GALNT10: variants seen among roughly 807,000 people sequenced by gnomAD.
GALNT10 encodes polypeptide N-acetylgalactosaminyltransferase 10, also known as GalNAc transferase 10.
A neutral mutation model predicts 75.0 loss-of-function variants in GALNT10; 41 were observed. The ratio of observed to expected loss-of-function variants is 0.55; its 90% confidence interval spans 0.43 to 0.71. The LOEUF (loss-of-function observed/expected upper bound fraction) is 0.71. Among genes scored for constraint, GALNT10 ranks in the 30% least tolerant of loss-of-function variants. GALNT10 has a pLI of 0.00. For missense variants in GALNT10, 727 were observed against 818.5 expected (o/e 0.89, Z 1.36); for synonymous variants, 302 against 313.0 (o/e 0.96, Z 0.37).
intron 1 of GALNT10, among the ~76,000 whole-genome samples, chr5:154,290,129 T>C (rs2113067778): frequency 6.6e-6 from 1 of 150,850 alleles, no homozygotes; most frequent in South Asian, 2.1e-4. Flanking sequence ...TCTCACTCTG[T>C]TGCCCAGGCT....
chr5:154,336,356 T>A (rs1277821926), intron 4 of GALNT10, among the ~76,000 whole-genome samples: 1 of 152,148 alleles, frequency 6.6e-6, no homozygotes. Context: ...TGCCAAGGAG[T>A]GTGATTGCTG....
intron 1 of GALNT10, among the ~76,000 whole-genome samples, chr5:154,216,940 ATCC>A (rs926580484): frequency 1.4e-4 from 22 of 151,898 alleles, no homozygotes; most frequent in Admixed American, 1.3e-3. Flanking sequence ...CTCCTCTCCT[ATCC>A]TCCAGTGTGA....
chr5:154,409,859 G>A lies in GALNT10; in HGVS notation c.1386+97G>A. On this transcript the variant is annotated intron_variant, in intron 9 of 11. Transcript: ENST00000297107. The surrounding 1 kb of genome is among the most constrained non-coding windows in gnomAD (Gnocchi z 4.5). The stretch of plus-strand genomic sequence containing the variant: ...AAAAGGTAGAAAGTCAGTGCAGGGA[G>A]GAAAGGCGTGAATATAAAATCGTTT... The A allele has an allele frequency of 1.2e-6, 1 of 801,830 alleles. No individual in the cohort carries two copies. The highest frequency in any genetic ancestry group is 2.1e-6 in the Non-Finnish European group (1 of 466,746). The allele number at this position is 801,830 out of a possible 1,614,324, so 49.7% of individuals were successfully genotyped here. A position where few individuals can be genotyped will look rare whatever the true frequency, so the allele number is the denominator to read the frequency against.
At chr5:154,265,891 G>C (rs751256259) in intron 1 of GALNT10, among the ~76,000 whole-genome samples, 1 of 129,342 alleles carries the variant, frequency 7.7e-6, no homozygotes, top group Non-Finnish European at 1.6e-5. Context: ...ATTGAGACAT[G>C]TTTCAATCTC....
At chr5:154,335,538 C>T (rs1754932135) in intron 4 of GALNT10, among the ~76,000 whole-genome samples, 1 of 152,074 alleles carries the variant, frequency 6.6e-6, no homozygotes, top group Admixed American at 6.5e-5. Flanking sequence ...GGCTGGGAGT[C>T]GAGGAGAAAA....
At chr5:154,205,136 T>C (rs115430221) in intron 1 of GALNT10, among the ~76,000 whole-genome samples, 1 of 152,328 alleles carries the variant, frequency 6.6e-6, no homozygotes, top group Non-Finnish European at 1.5e-5. Flanking sequence ...TGTGTTCTCA[T>C]AGTGGGGGAA....
chr5:154,240,577 T>C (rs564002618), intron 1 of GALNT10, among the ~76,000 whole-genome samples: 18 of 152,332 alleles, frequency 1.2e-4, no homozygotes, highest in Non-Finnish European at 1.9e-4. Flanking sequence ...GGGTGAACTT[T>C]CCTAGCAGAC....
chr5:154,274,957 C>T (rs553900982), intron 1 of GALNT10, among the ~76,000 whole-genome samples: 34 of 152,210 alleles, frequency 2.2e-4, no homozygotes, highest in Non-Finnish European at 1.5e-4. Context: ...ACTCCCCCTT[C>T]ACAACATACA....
intron 3 of GALNT10, among the ~76,000 whole-genome samples, chr5:154,306,383 A>G (rs1754433112): frequency 6.6e-6 from 1 of 152,240 alleles, no homozygotes; most frequent in Non-Finnish European, 1.5e-5. Context: ...ATCCTTTTAA[A>G]CTTTCCAAAC....
rs1168810155 is a variant in GALNT10 at position 154,209,821 on chromosome 5, T to A, written c.159+18796T>A. Among the ~76,000 whole-genome samples, 5 of 152,296 alleles carry A rather than the reference T, an allele frequency of 3.3e-5. No homozygotes were observed. The East Asian group carries it at 9.7e-4, about 29-fold the overall frequency. ...AACACTGGCAGAAGAGTCTTTCTGATTTAGGAATGTTAGTAAAGTGCATGT... is the reference window on the plus strand; with the variant it reads ...AACACTGGCAGAAGAGTCTTTCTGAATTAGGAATGTTAGTAAAGTGCATGT... On this transcript the variant is annotated intron_variant, in intron 1 of 11. Coordinates refer to ENST00000297107, the MANE Select transcript of GALNT10 (RefSeq NM_198321.4).
intron 4 of GALNT10, among the ~76,000 whole-genome samples, chr5:154,374,774 TGAG>T (rs1376050787): frequency 2.0e-5 from 3 of 151,044 alleles, no homozygotes; most frequent in Non-Finnish European, 4.4e-5. Flanking sequence ...TCACCTCAAA[TGAG>T]GAGCCTTGGT....
intron 3 of GALNT10, among the ~76,000 whole-genome samples, chr5:154,302,123 G>A (rs542713001): frequency 1.3e-5 from 2 of 152,368 alleles, no homozygotes; most frequent in East Asian, 1.9e-4. Context: ...GAGCAGTCGA[G>A]CCGCTCACTC....
At chr5:154,231,842 C>T (rs975933341) in intron 1 of GALNT10, among the ~76,000 whole-genome samples, 2 of 152,228 alleles carry the variant, frequency 1.3e-5, no homozygotes, top group Admixed American at 6.5e-5. Flanking sequence ...TTGATACTTA[C>T]GTACTTGTCT....
At chr5:154,215,497 C>CA (rs1752852317) in intron 1 of GALNT10, among the ~76,000 whole-genome samples, 1 of 152,040 alleles carries the variant, frequency 6.6e-6, no homozygotes, top group Non-Finnish European at 1.5e-5. Flanking sequence ...AAACAAAAAA[C>CA]AAAACAAAAC....
intron 1 of GALNT10, among the ~76,000 whole-genome samples, chr5:154,277,191 C>T (rs1753964927): frequency 1.3e-5 from 2 of 151,848 alleles, no homozygotes; most frequent in African/African-American, 4.8e-5. Context: ...TGGCTGGGGT[C>T]TCTCATATCC....
chr5:154,395,859 A>G (rs115207595), intron 7 of GALNT10, among the ~76,000 whole-genome samples: 2,498 of 152,270 alleles, frequency 0.016, 56 homozygotes, highest in African/African-American at 0.058. Flanking sequence ...ACTTATTAGA[A>G]ATGCAAATTA....
At position 154,286,721 on chromosome 5, in the gene GALNT10, G is replaced by A. The variant is rs535908867; in HGVS notation, c.160-8095G>A. 4.7e-4 allele frequency among the ~76,000 whole-genome samples: 71 copies of A among 152,256 alleles called. 2 individuals are homozygous for A. The highest frequency in any genetic ancestry group is 4.4e-3 in the South Asian group (21 of 4,822). The stretch of plus-strand genomic sequence containing the variant: ...TGAGTGACCTTCCCCTCTTAGAGAA[G>A]GGCCAGATTTCAGATTTCAGCATCC... On this transcript the variant is annotated intron_variant, in intron 1 of 11. Transcript: ENST00000297107.
Position 154,412,993 on chromosome 5 carries a change from G to T in GALNT10, c.1491G>T (p.Trp497Cys). The change falls in exon 10 of 12, where the codon TGG (tryptophan) becomes TGT (cysteine). Residue 497 changes from tryptophan (W) to cysteine (C), a missense_variant. Trp to Cys is a radical substitution (Grantham distance 215). Transcript: ENST00000297107. This position sits in a 1 kb window ranked among gnomAD's most constrained non-coding sequence, Gnocchi z 4.2. ...TCCGAGGCCGTGGGGAGGCTGCCTG[G>T]AACAACATGCAGGTAAGGGCCGCCC... ...GCVRGRGEAA[W>C]NNMQVFTFTW... is the part of the protein sequence containing the mutation. 1.2e-6 allele frequency: 2 copies of T among 1,606,558 alleles called. No homozygotes were observed. Among genetic ancestry groups the T allele is most frequent in the South Asian group, 2.2e-5 (2 of 90,914 alleles).
intron 1 of GALNT10, 129 bp downstream of exon 1, chr5:154,191,154 A>G (rs1003420279): frequency 1.3e-5 from 8 of 621,640 alleles, no homozygotes; most frequent in Non-Finnish European, 1.9e-5. Context: ...AGCTCTTCCC[A>G]TTTTCCGGAT....
Sources: gnomAD v4.1 joint callset for allele counts (sites outside exome capture counted in the v4.1 genomes callset) on GRCh38, gnomAD v4.1.1 for gene constraint, Gnocchi (gnomAD v3.1) non-coding constraint, MANE v1.5 for transcripts, NCBI Gene and HGNC (gene_info 2026-07-23, HGNC 2026-07-21) for gene names.